C2CD3: variants seen among roughly 807,000 people sequenced by gnomAD.
The protein encoded by C2CD3 is C2 domain containing 3 centriole elongation regulator, also known as C2 domain-containing protein 3.
A neutral mutation model predicts 234.0 loss-of-function variants in C2CD3; 148 were observed. That is an observed-to-expected ratio of 0.63 (90% confidence interval 0.55 to 0.72). The LOEUF (loss-of-function observed/expected upper bound fraction) is 0.72. Ranked by LOEUF, C2CD3 falls within the 30% of genes least tolerant of loss-of-function variation. The pLI is 0.00. For synonymous variants in C2CD3, 1,000 were observed against 1,035.4 expected (o/e 0.97, Z 0.66); for missense variants, 2,577 against 2,811.5 (o/e 0.92, Z 1.89).
At position 74,138,719 on chromosome 11, in the gene C2CD3, C is replaced by T. The variant is rs1590915496; in HGVS notation, c.955+1G>A. On this transcript the variant is annotated splice_donor_variant, in intron 5 of 32. Coordinates refer to ENST00000334126, the MANE Select transcript of C2CD3 (RefSeq NM_001286577.2). LOFTEE classifies it high-confidence loss of function. Reference sequence around the variant, plus strand: ...GACTCAGTTCACAAATACATACATACCTGAAAGAAGATCCTTGGTAGGGAG... The same window carrying T: ...GACTCAGTTCACAAATACATACATATCTGAAAGAAGATCCTTGGTAGGGAG... The T allele has an allele frequency of 6.2e-7, 1 of 1,611,644 alleles. No individual in the cohort carries two copies. Among genetic ancestry groups the T allele is most frequent in the Non-Finnish European group, 8.5e-7 (1 of 1,177,900 alleles).
At chr11:74,169,975 T>A (rs1391681028) in intron 1 of C2CD3, among the ~76,000 whole-genome samples, 2 of 152,188 alleles carry the variant, frequency 1.3e-5, no homozygotes, top group African/African-American at 4.8e-5. Flanking sequence ...CTGTCCTTTT[T>A]CCCTTCGAGG....
At chr11:74,111,919 TACACACACAC>T (rs61499954) in intron 11 of C2CD3, among the ~76,000 whole-genome samples, 3,398 of 125,106 alleles carry the variant, frequency 0.027, 58 homozygotes, top group Middle Eastern at 0.059. Context: ...TATTTGCTGA[TACACACACAC>T]ACACACACAC....
intron 13 of C2CD3, among the ~76,000 whole-genome samples, chr11:74,103,915 C>G (rs1269132783): frequency 6.6e-6 from 1 of 152,164 alleles, no homozygotes; most frequent in Non-Finnish European, 1.5e-5. Flanking sequence ...CAGAATCCAG[C>G]TGAAGAGGCT....
intron 26 of C2CD3, among the ~76,000 whole-genome samples, chr11:74,052,252 A>C (rs1010982314): frequency 3.9e-5 from 6 of 152,234 alleles, no homozygotes; most frequent in African/African-American, 1.4e-4. Context: ...CAATAGTCCT[A>C]GCATAGTACC....
intron 24 of C2CD3, among the ~76,000 whole-genome samples, chr11:74,066,039 T>C (rs1954514265): frequency 1.4e-5 from 2 of 143,958 alleles, no homozygotes; most frequent in South Asian, 4.6e-4. Flanking sequence ...GTTGTGCACA[T>C]GTACCCTAGA....
In C2CD3 at chr11:74,132,295, G is replaced by GA. The variant is rs558664215; in HGVS notation, c.1217+548dup. On this transcript the variant is annotated intron_variant, in intron 7 of 32. Coordinates refer to ENST00000334126, the MANE Select transcript of C2CD3 (RefSeq NM_001286577.2). ...GAACCCAGGAGGAGGAGGTTGCAGT[G>GA]AGCTGAGACTGTACCATGGCACTCC... Among the ~76,000 whole-genome samples, 493 of 152,272 alleles carry GA rather than the reference G, an allele frequency of 3.2e-3. 3 individuals are homozygous for GA. The Middle Eastern group carries it at 0.034, about 11-fold the overall frequency.
In C2CD3 at chr11:74,013,425, A is replaced by G. The variant is rs1267480311; in HGVS notation, c.7022T>C (p.Ile2341Thr). ...LNLPEEETLRIARIFSSQYSQ... is the reference protein window; with the variant it reads ...LNLPEEETLRTARIFSSQYSQ... Reference sequence around the variant, plus strand: ...GTACTGAGAAGAAAATATCCGTGCAATCCTGAGAGTTTCTTCCTCAGGCAG... The same window carrying G: ...GTACTGAGAAGAAAATATCCGTGCAGTCCTGAGAGTTTCTTCCTCAGGCAG... The change falls in exon 33 of 33, where the codon ATT becomes ACT. Residue 2341 changes from isoleucine (I) to threonine (T), a missense_variant. Transcript: ENST00000334126. 1 of 1,358,018 alleles carries G rather than the reference A, an allele frequency of 7.4e-7. No homozygotes were observed. Among genetic ancestry groups the G allele is most frequent in the Admixed American group, 3.0e-5 (1 of 33,580 alleles). 84.1% of individuals were successfully genotyped at this position (1,358,018 alleles called of 1,614,324 possible). A position where few individuals can be genotyped will look rare whatever the true frequency, so the allele number is the denominator to read the frequency against.
chr11:74,078,961 T>C (rs1955201258), intron 22 of C2CD3, among the ~76,000 whole-genome samples: 1 of 152,202 alleles, frequency 6.6e-6, no homozygotes, highest in African/African-American at 2.4e-5. Flanking sequence ...TAGTGGTTTA[T>C]TATGAACAAG....
chr11:74,078,087 C>A, intron 23 of C2CD3, 28 bp downstream of exon 23: 1 of 1,596,284 alleles, frequency 6.3e-7, no homozygotes, highest in South Asian at 1.1e-5. Context: ...GCTCAAACTA[C>A]AAGAGTTGAA....
chr11:74,049,893 T>TAG (rs1312472626), intron 26 of C2CD3, among the ~76,000 whole-genome samples: 8,634 of 152,116 alleles, frequency 0.057, 789 homozygotes, highest in African/African-American at 0.2. Context: ...CAATCCTCCC[T>TAG]CTTCAGTCTC....
In C2CD3 at chr11:74,036,452, A is replaced by G. The variant is rs187891310; in HGVS notation, c.5881+1026T>C. On this transcript the variant is annotated intron_variant, in intron 30 of 32. Coordinates refer to ENST00000334126, the MANE Select transcript of C2CD3 (RefSeq NM_001286577.2). ...AGTGGAAGTCAAACACAGAGCATTTATCTGAGGCCATGGATACCAACAGGT... is the reference window on the plus strand; with the variant it reads ...AGTGGAAGTCAAACACAGAGCATTTGTCTGAGGCCATGGATACCAACAGGT... 1.8e-5 allele frequency: 8 copies of G among 456,114 alleles called. No homozygotes were observed. In the East Asian group the frequency reaches 5.6e-4, roughly 32 times the overall value. 28.3% of individuals were successfully genotyped at this position (456,114 alleles called of 1,614,324 possible).
intron 3 of C2CD3, among the ~76,000 whole-genome samples, chr11:74,143,122 T>C (rs1011604172): frequency 1.3e-5 from 2 of 152,054 alleles, no homozygotes; most frequent in Admixed American, 1.3e-4. Flanking sequence ...GCCATCCACA[T>C]ATACCAAGAA....
chr11:74,050,832 A>C (rs1338092341), intron 26 of C2CD3, among the ~76,000 whole-genome samples: 12 of 151,620 alleles, frequency 7.9e-5, no homozygotes, highest in Admixed American at 5.9e-4. Context: ...AAACTTGATA[A>C]ATATTCACTG....
In C2CD3 at chr11:74,090,876, G is replaced by A; in HGVS notation, c.3578C>T (p.Ala1193Val). 6.2e-7 allele frequency: 1 copy of A among 1,614,060 alleles called. No individual in the cohort carries two copies. The highest frequency in any genetic ancestry group is 8.5e-7 in the Non-Finnish European group (1 of 1,179,946). ...RSPRTAEGVL[A>V]ARTVSISVQI... is the part of the protein sequence containing the mutation. The stretch of plus-strand genomic sequence containing the variant: ...GACTGAGATGGAAACAGTTCGGGCA[G>A]CAAGAACTCCCTCTGCTGTTCTTGG... Residue 1193 changes from alanine to valine, a missense_variant, in exon 20 of 33, where the codon GCT (alanine) becomes GTT (valine). Physicochemically the swap from Ala to Val is moderately conservative, Grantham distance 64. Coordinates refer to ENST00000334126, the MANE Select transcript of C2CD3 (RefSeq NM_001286577.2).
Position 74,109,149 on chromosome 11 carries a change from A to T in C2CD3, c.1847T>A (p.Val616Glu). Residue 616 changes from valine (V) to glutamate (E), a missense_variant, in exon 12 of 33, where the codon GTG becomes GAG. Transcript: ENST00000334126. ...AAACACAAATCGCTGCTGGAACTTC[A>T]CCTCTGTAAGGAGAACCAGACACAC... ...LASSKITDGKVKFQQRFVFPV... is the reference protein window; with the variant it reads ...LASSKITDGKEKFQQRFVFPV... 1 of 1,548,078 alleles carries T rather than the reference A, an allele frequency of 6.5e-7. No individual in the cohort carries two copies. Among genetic ancestry groups the T allele is most frequent in the South Asian group, 1.2e-5 (1 of 84,196 alleles).
chr11:74,060,487 G>C (rs924541345), intron 24 of C2CD3, among the ~76,000 whole-genome samples: 12 of 152,344 alleles, frequency 7.9e-5, no homozygotes, highest in African/African-American at 2.9e-4. Context: ...GCCTCCGCTG[G>C]TGATACCCAG....
intron 26 of C2CD3, among the ~76,000 whole-genome samples, chr11:74,051,548 C>A (rs1432069842): frequency 1.3e-5 from 2 of 152,174 alleles, no homozygotes; most frequent in South Asian, 4.2e-4. Context: ...GGACAACCCA[C>A]CATTCTCCCT....
intron 26 of C2CD3, among the ~76,000 whole-genome samples, chr11:74,053,296 A>G (rs1953783817): frequency 6.6e-6 from 1 of 152,260 alleles, no homozygotes; most frequent in Non-Finnish European, 1.5e-5. Flanking sequence ...TAAAAACAAG[A>G]AAAACTGATA....
chr11:74,016,429 C>G (rs1951881790), intron 32 of C2CD3, among the ~76,000 whole-genome samples: 1 of 152,158 alleles, frequency 6.6e-6, no homozygotes, highest in African/African-American at 2.4e-5. Context: ...CCATATCTGC[C>G]CTGGAGCTGA....
Sources: gnomAD v4.1 joint callset for allele counts (sites outside exome capture counted in the v4.1 genomes callset) on GRCh38, gnomAD v4.1.1 for gene constraint, MANE v1.5 for transcripts, NCBI Gene and HGNC (gene_info 2026-07-23, HGNC 2026-07-21) for gene names.